Variants in ITGAX observed in about 807,000 individuals in gnomAD.
ITGAX encodes integrin alpha-X.
ITGAX carries 99 observed loss-of-function variants against 140.2 expected under a neutral mutation model. The ratio of observed to expected loss-of-function variants is 0.71; its 90% CI spans 0.60 to 0.83. The LOEUF is 0.83. Ranked by LOEUF, ITGAX falls within the 40% of genes least tolerant of loss-of-function variation. The pLI, the probability that ITGAX is intolerant of heterozygous loss-of-function variation, is 0.00. For synonymous variants in ITGAX, 631 were observed against 600.4 expected (o/e 1.05, Z -0.75); for missense variants, 1,444 against 1,482.0 (o/e 0.97, Z 0.42).
chr16:31,374,881 A>G (rs1210980247), intron 20 of ITGAX, among the ~76,000 whole-genome samples: 1 of 152,248 alleles, frequency 6.6e-6, no homozygotes, highest in Non-Finnish European at 1.5e-5. Flanking sequence ...GAAAGGTGAA[A>G]CCTTTTAAAG....
At position 31,382,482 on chromosome 16, in the gene ITGAX, C is replaced by T. The variant is rs2081078946; in HGVS notation, c.*575C>T. The T allele has an allele frequency of 6.6e-7, 1 of 1,519,816 alleles. No homozygotes were observed. The highest frequency in any genetic ancestry group is 8.8e-7 in the Non-Finnish European group (1 of 1,131,964). 94.1% of individuals were successfully genotyped at this position (1,519,816 alleles called of 1,614,324 possible). On this transcript the variant is annotated 3_prime_UTR_variant, in exon 30 of 30. Coordinates refer to ENST00000268296, the MANE Select transcript of ITGAX (RefSeq NM_000887.5). ...GTCTTCAACAGCTCCCCATTACCCT[C>T]AGGACAATGTCTGAACTCTCCAGCT...
chr16:31,371,185 G>A lies in ITGAX; in HGVS notation c.1812G>A (p.Val604=), dbSNP rs1284756227. 6 of 1,611,048 alleles carry A rather than the reference G, an allele frequency of 3.7e-6. No homozygotes were observed. In the East Asian group the frequency reaches 6.7e-5, roughly 18 times the overall value. The change falls in exon 15 of 30, where the codon GTG becomes GTA. Residue 604 remains valine, a synonymous_variant. Coordinates refer to ENST00000268296, the MANE Select transcript of ITGAX (RefSeq NM_000887.5). ...LTQDGLVDLA[V]GARGQVLLLR... is the part of the protein sequence containing the mutation. ...AGGATGGACTGGTGGACCTGGCTGT[G>A]GGGGCCCGGGGCCAGGTGCTCCTGC...
In ITGAX at chr16:31,377,409, C is replaced by A. The variant is rs1300897830; in HGVS notation, c.2789+144C>A. 41 of 656,806 alleles carry A rather than the reference C, an allele frequency of 6.2e-5. 1 individual carries two copies. The highest frequency in any genetic ancestry group is 8.1e-5 in the Non-Finnish European group (31 of 382,918). The allele number at this position is 656,806 out of a possible 1,614,324, so 40.7% of individuals were successfully genotyped here. A position where few individuals can be genotyped will look rare whatever the true frequency, so the allele number is the denominator to read the frequency against. On this transcript the variant is annotated intron_variant, in intron 23 of 29. Coordinates refer to ENST00000268296, the MANE Select transcript of ITGAX (RefSeq NM_000887.5). ...GTCAGGTGTTTCAGCAGACACCTTC[C>A]TTCAGCCAATGCCTTCCTCGAATTT...
chr16:31,379,985 C>A lies in ITGAX; in HGVS notation c.2980C>A (p.Pro994Thr). 1 of 1,614,090 alleles carries A rather than the reference C, an allele frequency of 6.2e-7. No homozygotes were observed. The highest frequency in any genetic ancestry group is 8.5e-7 in the Non-Finnish European group (1 of 1,179,932). ...MDVEVSHPQN[P>T]SLRCSSEKIA... is the part of the protein sequence containing the mutation. ...TGTTCTCTGCATTTTCCCCCAGAAC[C>A]CATCCCTTCGGTGCTCCTCAGAGAA... is the stretch of plus-strand genomic sequence containing the variant. The change falls in exon 26 of 30, where the codon CCA becomes ACA. Residue 994 changes from proline (P) to threonine (T), a missense_variant. By Grantham distance (38) the Pro-to-Thr change is conservative. Coordinates refer to ENST00000268296, the MANE Select transcript of ITGAX (RefSeq NM_000887.5).
At chr16:31,356,022 T>C in intron 2 of ITGAX, 24 bp downstream of exon 2, 1 of 1,546,404 alleles carries the variant, frequency 6.5e-7, no homozygotes. Context: ...GGTGCTGGCC[T>C]TTGGCTCCAT....
At chr16:31,365,219 A>C (rs78006705) in intron 14 of ITGAX, among the ~76,000 whole-genome samples, 1 of 152,160 alleles carries the variant, frequency 6.6e-6, no homozygotes, top group Admixed American at 6.6e-5. Flanking sequence ...AGTCAGGGGC[A>C]TGAGGGTGAC....
rs2080961963 is a variant in ITGAX at position 31,371,624 on chromosome 16, C to T, written c.2006-6C>T. The stretch of plus-strand genomic sequence containing the variant: ...GTCTCAACGCCGTCCCTGCGACCGC[C>T]TACAGGTGACCTCCAAAGCTCTGTG... On this transcript the variant is annotated splice_polypyrimidine_tract_variant and splice_region_variant and intron_variant, in intron 16 of 29. Transcript: ENST00000268296. The T allele has an allele frequency of 6.2e-7, 1 of 1,614,004 alleles. No homozygotes were observed. The highest frequency in any genetic ancestry group is 8.5e-7 in the Non-Finnish European group (1 of 1,180,022).
chr16:31,379,544 C>T, intron 23 of ITGAX, 24 bp from the exon 24 acceptor site: 2 of 1,553,484 alleles, frequency 1.3e-6, no homozygotes, highest in Non-Finnish European at 1.7e-6. Flanking sequence ...AGTTCACATC[C>T]ACTTATGCGT....
chr16:31,379,147 G>A (rs1389019273), intron 23 of ITGAX, among the ~76,000 whole-genome samples: 1 of 150,476 alleles, frequency 6.6e-6, no homozygotes, highest in African/African-American at 2.4e-5. Context: ...TTTTTTGAGA[G>A]AGAGAGAGTC....
chr16:31,367,779 G>T (rs548845654), intron 14 of ITGAX, among the ~76,000 whole-genome samples: 2 of 152,132 alleles, frequency 1.3e-5, no homozygotes, highest in Non-Finnish European at 2.9e-5. Flanking sequence ...GAGTAATTTC[G>T]ACTTTCAAGT....
chr16:31,382,510 G>T lies in ITGAX; in HGVS notation c.*603G>T, dbSNP rs938514651. ...GACAATGTCTGAACTCTCCAGCTTC[G>T]CGTGAGAAGTCCCCTTCCATCCCAG... On this transcript the variant is annotated 3_prime_UTR_variant, in exon 30 of 30. Coordinates refer to ENST00000268296, the MANE Select transcript of ITGAX (RefSeq NM_000887.5). The T allele has an allele frequency of 2.1e-6, 3 of 1,420,862 alleles. No individual in the cohort carries two copies. The highest frequency in any genetic ancestry group is 2.9e-6 in the Non-Finnish European group (3 of 1,041,898). The allele number at this position is 1,420,862 out of a possible 1,614,324, so 88.0% of individuals were successfully genotyped here. A position where few individuals can be genotyped will look rare whatever the true frequency, so the allele number is the denominator to read the frequency against.
chr16:31,375,756 A>AT (rs763691632), intron 20 of ITGAX, among the ~76,000 whole-genome samples: 2 of 152,246 alleles, frequency 1.3e-5, no homozygotes, highest in South Asian at 2.1e-4. Flanking sequence ...GCGGAAGCGC[A>AT]TTTTGATTAA....
chr16:31,360,302 C>T lies in ITGAX; in HGVS notation c.708-8C>T. 2 of 1,603,928 alleles carry T rather than the reference C, an allele frequency of 1.2e-6. No individual in the cohort carries two copies. The highest frequency in any genetic ancestry group is 2.2e-5 in the East Asian group (1 of 44,796). ...CACAGGCCTCTAAGACCTCTCCTTT[C>T]CTGATAGGCACCGATTGTTCCATGC... is the stretch of plus-strand genomic sequence containing the variant. On this transcript the variant is annotated splice_polypyrimidine_tract_variant and splice_region_variant and intron_variant, in intron 7 of 29. Coordinates refer to ENST00000268296, the MANE Select transcript of ITGAX (RefSeq NM_000887.5).
At position 31,362,985 on chromosome 16, in the gene ITGAX, C is replaced by G; in HGVS notation, c.1410C>G (p.Asp470Glu). The change falls in exon 13 of 30, where the codon GAC becomes GAG. Residue 470 changes from aspartate to glutamate, a missense_variant. Asp to Glu is a conservative substitution (Grantham distance 45). Coordinates refer to ENST00000268296, the MANE Select transcript of ITGAX (RefSeq NM_000887.5). ...ASLCSVDVDS[D>E]GSTDLVLIGA... ...TCTGCTCCGTGGACGTAGACAGCGA[C>G]GGCAGCACCGACCTGGTCCTCATCG... 6.2e-7 allele frequency: 1 copy of G among 1,611,572 alleles called. No individual in the cohort carries two copies. Among genetic ancestry groups the G allele is most frequent in the Non-Finnish European group, 8.5e-7 (1 of 1,179,742 alleles).
chr16:31,363,478 GC>G, intron 14 of ITGAX, 104 bp downstream of exon 14: 1 of 1,318,438 alleles, frequency 7.6e-7, no homozygotes, highest in Non-Finnish European at 1.1e-6. Context: ...TACCTCCCTT[GC>G]CCAGCTCTGA....
intron 17 of ITGAX, among the ~76,000 whole-genome samples, 197 bp downstream of exon 17, chr16:31,371,981 G>A (rs1473914545): frequency 6.6e-6 from 1 of 152,168 alleles, no homozygotes; most frequent in Non-Finnish European, 1.5e-5. Context: ...CAATTTCCAG[G>A]GGCCACACGA....
At chr16:31,370,958 A>G in intron 14 of ITGAX, 126 bp from the exon 15 acceptor site, 1 of 1,147,588 alleles carries the variant, frequency 8.7e-7, no homozygotes, top group South Asian at 1.4e-5. Context: ...CTTCTTGGTG[A>G]CATCTGTTCA....
chr16:31,371,540 A>T, intron 16 of ITGAX, 43 bp downstream of exon 16: 1 of 1,610,380 alleles, frequency 6.2e-7, no homozygotes, highest in Non-Finnish European at 8.5e-7. Flanking sequence ...TGACCTCTGG[A>T]GTCCCCCATC....
chr16:31,361,533 TC>T, intron 9 of ITGAX: 1 of 687,624 alleles, frequency 1.5e-6, no homozygotes, highest in Non-Finnish European at 2.6e-6. Flanking sequence ...CCAGCCCACA[TC>T]CCACCAGCCA....
Sources: gnomAD v4.1 joint callset for allele counts (sites outside exome capture counted in the v4.1 genomes callset) on GRCh38, gnomAD v4.1.1 for gene constraint, MANE v1.5 for transcripts, NCBI Gene and HGNC (gene_info 2026-07-23, HGNC 2026-07-21) for gene names.